The following MBD2 variants were observed in gnomAD, a reference collection of about 807,000 sequenced individuals.
The protein encoded by MBD2 is methyl-CpG-binding domain protein 2.
A neutral mutation model predicts 39.3 loss-of-function variants in MBD2; 9 were observed. The observed-to-expected ratio is 0.23, with a 90% CI of 0.14 to 0.40. The LOEUF is 0.40. Ranked by LOEUF, MBD2 falls within the 10% of genes least tolerant of loss-of-function variation. The pLI is 1.00. For synonymous variants in MBD2, 233 were observed against 211.1 expected, an observed-to-expected ratio of 1.10 and a Z score of -0.90; for missense variants, 458 against 532.6, an observed-to-expected ratio of 0.86 and a Z score of 1.38.
At chr18:54,179,197 A>T (rs1335693990) in intron 3 of MBD2, among the ~76,000 whole-genome samples, 6 of 152,184 alleles carry the variant, frequency 3.9e-5, no homozygotes, top group African/African-American at 1.4e-4. Context: ...CTCAAAAACA[A>T]AGAAAAAAAA....
chr18:54,156,281 T>C (rs1341102464), intron 6 of MBD2, among the ~76,000 whole-genome samples: 1 of 152,258 alleles, frequency 6.6e-6, no homozygotes, highest in Non-Finnish European at 1.5e-5. Context: ...ATAAGTCTAA[T>C]GGCTTGATCT....
intron 2 of MBD2, chr18:54,203,001 G>C: frequency 9.3e-7 from 1 of 1,072,878 alleles, no homozygotes; most frequent in Non-Finnish European, 1.5e-6. Context: ...CCAGATGAAG[G>C]GGAAGGGGGT....
At chr18:54,197,787 T>TG (rs2144321517) in intron 2 of MBD2, among the ~76,000 whole-genome samples, 1 of 152,338 alleles carries the variant, frequency 6.6e-6, no homozygotes, top group South Asian at 2.1e-4. Context: ...AACAGCTACT[T>TG]GCTCCTCACT....
At chr18:54,222,648 T>C (rs1344902864) in intron 1 of MBD2, among the ~76,000 whole-genome samples, 1 of 152,216 alleles carries the variant, frequency 6.6e-6, no homozygotes, top group Non-Finnish European at 1.5e-5. Context: ...TTCTCCATTT[T>C]ATCATATGAG....
At chr18:54,212,702 AT>A (rs1366816650) in intron 1 of MBD2, among the ~76,000 whole-genome samples, 2 of 152,026 alleles carry the variant, frequency 1.3e-5, no homozygotes, top group African/African-American at 4.8e-5. Flanking sequence ...TAAAAAAAAA[AT>A]ATCAAGACTC....
intron 3 of MBD2, among the ~76,000 whole-genome samples, chr18:54,179,509 A>G (rs1269333934): frequency 2.0e-5 from 3 of 152,250 alleles, no homozygotes; most frequent in Non-Finnish European, 4.4e-5. Flanking sequence ...ATAATACATT[A>G]CAACCACATT....
intron 1 of MBD2, among the ~76,000 whole-genome samples, chr18:54,223,732 C>T (rs903798097): frequency 1.3e-5 from 2 of 152,202 alleles, no homozygotes; most frequent in Non-Finnish European, 2.9e-5. Flanking sequence ...CCTTTTAACC[C>T]TTCAGTGGAC....
chr18:54,195,359 G>A (rs1218341755), intron 2 of MBD2, among the ~76,000 whole-genome samples: 3 of 151,750 alleles, frequency 2.0e-5, no homozygotes, highest in Non-Finnish European at 4.4e-5. Context: ...TTAAACATTA[G>A]TCATGTTTAA....
chr18:54,161,258 C>A (rs1374845515), intron 5 of MBD2, among the ~76,000 whole-genome samples: 1 of 152,164 alleles, frequency 6.6e-6, no homozygotes, highest in African/African-American at 2.4e-5. Flanking sequence ...CTCCAAAACA[C>A]CACAAAGAGT....
At chr18:54,165,733 A>G (rs1055138298) in intron 4 of MBD2, among the ~76,000 whole-genome samples, 1 of 152,238 alleles carries the variant, frequency 6.6e-6, no homozygotes, top group South Asian at 2.1e-4. Context: ...AGATGTTGCT[A>G]TAAGCAGGAA....
chr18:54,211,357 C>T (rs114634308), intron 1 of MBD2, among the ~76,000 whole-genome samples: 4,038 of 150,148 alleles, frequency 0.027, 181 homozygotes, highest in African/African-American at 0.093. Context: ...ATCAGAAACC[C>T]GCCAAATTAA....
intron 6 of MBD2, among the ~76,000 whole-genome samples, chr18:54,159,375 T>C (rs1428927890): frequency 6.6e-6 from 1 of 151,262 alleles, no homozygotes; most frequent in African/African-American, 2.4e-5. Flanking sequence ...TTTCATTCAC[T>C]GCTGAGGAAG....
chr18:54,205,404 T>A (rs2086441005), intron 1 of MBD2, among the ~76,000 whole-genome samples: 3 of 151,526 alleles, frequency 2.0e-5, no homozygotes, highest in Admixed American at 1.3e-4. Context: ...AAACCCCGTC[T>A]CTGCTAAAAA....
At chr18:54,181,976 C>T (rs377036872) in intron 3 of MBD2, among the ~76,000 whole-genome samples, 2 of 152,188 alleles carry the variant, frequency 1.3e-5, no homozygotes, top group East Asian at 1.9e-4. Context: ...TGCTCTCTCA[C>T]TCTTCTGGTG....
At chr18:54,205,194 A>C (rs765681359) in intron 1 of MBD2, 37 bp from the exon 2 acceptor site, 3 of 1,583,574 alleles carry the variant, frequency 1.9e-6, no homozygotes, top group African/African-American at 2.7e-5. Flanking sequence ...AAAAGGCAAC[A>C]ATATTCTCCA....
intron 3 of MBD2, among the ~76,000 whole-genome samples, chr18:54,177,250 G>C (rs1001144870): frequency 2.6e-5 from 4 of 152,122 alleles, no homozygotes; most frequent in Non-Finnish European, 4.4e-5. Context: ...GCTCAGTGTT[G>C]ATTTTCAGAT....
At position 54,152,141 on chromosome 18, in the gene MBD2, G is replaced by A. The variant is rs1028877016; in HGVS notation, c.*3183C>T. On this transcript the variant is annotated 3_prime_UTR_variant, in exon 7 of 7. Transcript: ENST00000256429. ...ATTTACAAAGTGCGGTGGGAACAGG[G>A]AAGGCGGGAAAGAACATCTGCCTGA... The A allele has an allele frequency of 6.6e-6, 1 of 152,234 alleles. No individual in the cohort carries two copies. Among genetic ancestry groups the A allele is most frequent in the Non-Finnish European group, 1.5e-5 (1 of 68,078 alleles). 9.4% of individuals were successfully genotyped at this position (152,234 alleles called of 1,614,324 possible).
chr18:54,214,165 A>G (rs913108923), intron 1 of MBD2, among the ~76,000 whole-genome samples: 10 of 150,366 alleles, frequency 6.7e-5, no homozygotes, highest in Non-Finnish European at 1.5e-4. Flanking sequence ...CTATACATAT[A>G]TATATATTTT....
intron 2 of MBD2, among the ~76,000 whole-genome samples, chr18:54,202,405 TATTA>T (rs2086415040): frequency 6.6e-6 from 1 of 152,208 alleles, no homozygotes. Context: ...CTCAGATTTC[TATTA>T]ATTACTTTAA....
Sources: allele counts gnomAD v4.1 joint callset (sites outside exome capture counted in the v4.1 genomes callset), GRCh38; gene constraint gnomAD v4.1.1; transcripts MANE v1.5; gene names NCBI Gene and HGNC (gene_info 2026-07-23, HGNC 2026-07-21).